Variants in CEP290 observed in about 807,000 individuals in gnomAD.
The protein encoded by CEP290 is centrosomal protein of 290 kDa.
Under a neutral mutation model 344.9 loss-of-function variants are expected in CEP290, and 317 were observed. That is an observed-to-expected ratio of 0.92 (90% CI 0.84 to 1.01). The LOEUF is 1.01. CEP290 is among the 50% of genes least tolerant of loss of function. The pLI is 0.00. For synonymous variants in CEP290, 932 were observed against 895.8 expected (o/e 1.04, Z -0.72); for missense variants, 2,754 against 2,761.4 (o/e 1.00, Z 0.06).
intron 18 of CEP290, 26 bp downstream of exon 18, chr12:88,117,007 C>T (rs780327079): frequency 5.9e-6 from 5 of 851,856 alleles, no homozygotes; most frequent in South Asian, 3.1e-5. Context: ...TTTTCCTTTA[C>T]TCTCTTTGCA....
intron 40 of CEP290, 53 bp downstream of exon 40, chr12:88,077,644 C>T: frequency 9.6e-7 from 1 of 1,045,134 alleles, no homozygotes; most frequent in African/African-American, 1.6e-5. Context: ...TAGAAATAAA[C>T]TACTACCTCT....
intron 32 of CEP290, among the ~76,000 whole-genome samples, chr12:88,087,100 C>G (rs1226802437): frequency 2.6e-5 from 4 of 152,088 alleles, no homozygotes; most frequent in Middle Eastern, 3.2e-3. Context: ...GCAGGGGGAA[C>G]AATCTCTGAG....
intron 6 of CEP290, among the ~76,000 whole-genome samples, chr12:88,135,442 T>A (rs958388221): frequency 3.3e-5 from 5 of 152,158 alleles, no homozygotes; most frequent in South Asian, 2.1e-4. Context: ...TAAGCAATTC[T>A]ACCAGTGTAT....
chr12:88,104,802 T>G (rs2038153620), intron 25 of CEP290, among the ~76,000 whole-genome samples: 2 of 152,060 alleles, frequency 1.3e-5, no homozygotes, highest in African/African-American at 4.8e-5. Context: ...AAGTATTATT[T>G]TTCAAATTAT....
chr12:88,087,804 T>C lies in CEP290; in HGVS notation c.4170A>G (p.Glu1390=). The change falls in exon 32 of 54, where the codon GAA becomes GAG. Residue 1390 remains glutamate (E), a synonymous_variant. Transcript: ENST00000552810. The part of the protein sequence containing the change: ...SEYERTISSL[E]EEIVQQNKFH... ...CCTTGTTCTGTTGCACAATTTCTTCTTCAAGACTGCTGATTGTACGTTCAT... is the reference window on the plus strand; with the variant it reads ...CCTTGTTCTGTTGCACAATTTCTTCCTCAAGACTGCTGATTGTACGTTCAT... The C allele has an allele frequency of 2.3e-6, 3 of 1,286,966 alleles. No individual in the cohort carries two copies. The highest frequency in any genetic ancestry group is 3.0e-6 in the Non-Finnish European group (3 of 997,400). 79.7% of individuals were successfully genotyped at this position (1,286,966 alleles called of 1,614,324 possible).
At chr12:88,053,919 A>G (rs565102249) in intron 51 of CEP290, among the ~76,000 whole-genome samples, 173 bp from the exon 52 acceptor site, 3 of 152,302 alleles carry the variant, frequency 2.0e-5, no homozygotes, top group African/African-American at 7.2e-5. Context: ...AAAGCCTGGA[A>G]TACAAAAGCC....
At chr12:88,114,961 C>G (rs1458983002) in intron 19 of CEP290, 137 bp downstream of exon 19, 1 of 508,180 alleles carries the variant, frequency 2.0e-6, no homozygotes, top group African/African-American at 2.0e-5. Flanking sequence ...TAGTGACAGA[C>G]TGAAGTATAT....
In CEP290 at chr12:88,089,259, G is replaced by A. The variant is rs1468942944; in HGVS notation, c.3802C>T (p.Gln1268Ter). Reference protein sequence around the residue: ...NRAKHLRQTIQSLRRQFSGAL... With the variant: ...NRAKHLRQTI ...CCACTAAACTGTCGTCGTAGAGACTGAATTGTTTGGCGCAGATGTTTTGCT... is the reference window on the plus strand; with the variant it reads ...CCACTAAACTGTCGTCGTAGAGACTAAATTGTTTGGCGCAGATGTTTTGCT... The change falls in exon 31 of 54, where the codon CAG becomes TAG. Residue 1268 changes from glutamine (Q) to a stop codon, truncating the protein, a stop_gained. Transcript: ENST00000552810. LOFTEE classifies it high-confidence loss of function. 4 of 1,613,854 alleles carry A rather than the reference G, an allele frequency of 2.5e-6. No homozygotes were observed. In the East Asian group the frequency reaches 8.9e-5, roughly 36 times the overall value.
chr12:88,093,679 A>G, intron 28 of CEP290, 91 bp downstream of exon 28: 1 of 875,520 alleles, frequency 1.1e-6, no homozygotes, highest in Non-Finnish European at 1.8e-6. Flanking sequence ...GATATTTCAG[A>G]GATCCAGACA....
Position 88,086,401 on chromosome 12 carries a change from G to T in CEP290, c.4292C>A (p.Ala1431Glu), listed in dbSNP as rs564214956. ...FDRQQNEILNAAQKFEEATGS... is the reference protein window; with the variant it reads ...FDRQQNEILNEAQKFEEATGS... The stretch of plus-strand genomic sequence containing the variant: ...ATTAATCATTCATACCTTTTGTGCC[G>T]CATTTAGTATTTCATTTTGCTGACG... The change falls in exon 33 of 54, where the codon GCG becomes GAG. Residue 1431 changes from alanine (A) to glutamate (E), a missense_variant. By Grantham distance (107) the Ala-to-Glu change is moderately radical. Transcript: ENST00000552810. 3 of 1,584,776 alleles carry T rather than the reference G, an allele frequency of 1.9e-6. No homozygotes were observed. The South Asian group carries it at 3.4e-5, about 18-fold the overall frequency.
At chr12:88,086,563 A>G (rs1159118379) in intron 32 of CEP290, 65 bp from the exon 33 acceptor site, 3 of 1,105,456 alleles carry the variant, frequency 2.7e-6, no homozygotes, top group Non-Finnish European at 3.9e-6. Flanking sequence ...CAGGCATTTT[A>G]TATATATTTT....
At chr12:88,128,749 C>A (rs1371284938) in intron 11 of CEP290, among the ~76,000 whole-genome samples, 197 bp downstream of exon 11, 2 of 152,100 alleles carry the variant, frequency 1.3e-5, no homozygotes, top group East Asian at 1.9e-4. Context: ...TGAAAGAGGT[C>A]ATTCAATAAC....
At chr12:88,130,454 A>T (rs1338606922) in intron 8 of CEP290, 34 bp from the exon 9 acceptor site, 1 of 1,598,898 alleles carries the variant, frequency 6.3e-7, no homozygotes, top group East Asian at 2.2e-5. Context: ...TCAATTACAA[A>T]ACTATTCAGA....
In CEP290 at chr12:88,077,764, TTCTC is replaced by T. The variant is rs281865187; in HGVS notation, c.5515_5518del (p.Glu1839LysfsTer11). 4.4e-6 allele frequency: 7 copies of T among 1,581,718 alleles called. No individual in the cohort carries two copies. The highest frequency in any genetic ancestry group is 3.7e-5 in the Admixed American group (2 of 54,390). On this transcript the variant is annotated frameshift_variant, in exon 40 of 54. Transcript: ENST00000552810. LOFTEE classifies it high-confidence loss of function. ...ATCATTCTCTTGATCAATTTCCTCT[TTCTC>T]TCTAAGTATTTTATTATAGGCTTTT...
chr12:88,079,797 A>T (rs1015033350), intron 38 of CEP290, among the ~76,000 whole-genome samples: 2 of 152,090 alleles, frequency 1.3e-5, no homozygotes, highest in Non-Finnish European at 2.9e-5. Flanking sequence ...TTTTGTCATT[A>T]TCATACTTCC....
At chr12:88,117,216 T>A in intron 17 of CEP290, 71 bp from the exon 18 acceptor site, 1 of 728,300 alleles carries the variant, frequency 1.4e-6, no homozygotes. Context: ...CTTTAATTCT[T>A]AAAACCTACA....
Position 88,083,140 on chromosome 12 carries a change from C to T in CEP290, c.4903G>A (p.Asp1635Asn), listed in dbSNP as rs1395825298. ...TTGACCAAGAGTGAGGAAAGAGAGTCATCTTGTTCTGCTACTGTCTGTTCC... is the reference window on the plus strand; with the variant it reads ...TTGACCAAGAGTGAGGAAAGAGAGTTATCTTGTTCTGCTACTGTCTGTTCC... Reference protein sequence around the residue: ...EMEQTVAEQDDSLSSLLVKLK... With the variant: ...EMEQTVAEQDNSLSSLLVKLK... The change falls in exon 37 of 54, where the codon GAC becomes AAC. Residue 1635 changes from aspartate to asparagine, a missense_variant. Physicochemically the swap from Asp to Asn is conservative, Grantham distance 23. Coordinates refer to ENST00000552810, the MANE Select transcript of CEP290 (RefSeq NM_025114.4). 6.4e-7 allele frequency: 1 copy of T among 1,554,672 alleles called. No individual in the cohort carries two copies. Among genetic ancestry groups the T allele is most frequent in the African/African-American group, 1.4e-5 (1 of 73,108 alleles).
intron 29 of CEP290, among the ~76,000 whole-genome samples, chr12:88,092,096 C>T (rs970184886): frequency 1.1e-4 from 16 of 151,954 alleles, no homozygotes; most frequent in African/African-American, 3.6e-4. Flanking sequence ...GTATTTACTC[C>T]TTATATATAT....
intron 49 of CEP290, chr12:88,058,494 G>A: frequency 3.9e-6 from 1 of 254,428 alleles, no homozygotes. Context: ...CAATCAAGAA[G>A]CTGAAGCTGC....
Sources: allele counts gnomAD v4.1 joint callset (sites outside exome capture counted in the v4.1 genomes callset), GRCh38; gene constraint gnomAD v4.1.1; transcripts MANE v1.5; gene names NCBI Gene and HGNC (gene_info 2026-07-23, HGNC 2026-07-21).